The following COL22A1 variants were observed in gnomAD, a reference collection of about 807,000 sequenced individuals.
COL22A1 encodes the protein collagen type XXII alpha 1 chain.
COL22A1 carries 221 observed loss-of-function variants against 248.9 expected under a neutral mutation model. The ratio of observed to expected loss-of-function variants is 0.89; its 90% CI spans 0.80 to 0.99. The LOEUF (loss-of-function observed/expected upper bound fraction) is 0.99. Ranked by LOEUF, COL22A1 falls within the 50% of genes least tolerant of loss-of-function variation. The pLI is 0.00. For missense variants in COL22A1, 2,240 were observed against 2,179.0 expected, an observed-to-expected ratio of 1.03 and a Z score of -0.56; for synonymous variants, 891 against 793.4, an observed-to-expected ratio of 1.12 and a Z score of -2.07.
chr8:138,816,769 A>G (rs1049818477), intron 7 of COL22A1, among the ~76,000 whole-genome samples: 1 of 152,144 alleles, frequency 6.6e-6, no homozygotes, highest in African/African-American at 2.4e-5. Flanking sequence ...GGATGCCCCA[A>G]ACCATGTGGC....
chr8:138,810,418 A>G (rs1227917274), intron 9 of COL22A1, among the ~76,000 whole-genome samples: 4 of 152,202 alleles, frequency 2.6e-5, no homozygotes, highest in Middle Eastern at 3.2e-3. Context: ...TGTAAAAACC[A>G]TATCCTCAGC....
chr8:138,622,021 T>C (rs545938420), intron 52 of COL22A1, among the ~76,000 whole-genome samples: 85 of 152,338 alleles, frequency 5.6e-4, no homozygotes, highest in African/African-American at 2.0e-3. Context: ...TGTAAAATGA[T>C]AAAGAAGGTG....
rs147810853 is a variant in COL22A1 at position 138,687,959 on chromosome 8, A to G, written c.2862+958T>C. Among the ~76,000 whole-genome samples the G allele has an allele frequency of 7.6e-3, 1,152 of 152,308 alleles. 7 individuals are homozygous for G. Among genetic ancestry groups the G allele is most frequent in the Admixed American group, 0.011 (175 of 15,302 alleles). ...CCTGGGTAAAAACCCCCTGTTGAGA[A>G]TCACTTTTGTCACCCTAGCTTATAT... On this transcript the variant is annotated intron_variant, in intron 37 of 64. Coordinates refer to ENST00000303045, the MANE Select transcript of COL22A1 (RefSeq NM_152888.3).
intron 57 of COL22A1, 141 bp from the exon 58 acceptor site, chr8:138,606,593 G>A: frequency 1.2e-6 from 1 of 815,216 alleles, no homozygotes; most frequent in Non-Finnish European, 2.0e-6. Context: ...GAGGGGCATG[G>A]GTTAGGAAAA....
At chr8:138,692,270 T>TTGTGGAGGTGTATGTGTGGAGGTGTA (rs1827104402) in intron 35 of COL22A1, among the ~76,000 whole-genome samples, 3 of 43,038 alleles carry the variant, frequency 7.0e-5, no homozygotes, top group Admixed American at 2.8e-4. Flanking sequence ...GTGTGCATGT[T>TTGTGGAGGTGTATGTGTGGAGGTGTA]TGTGTGCACA....
chr8:138,615,152 G>A (rs1819207396), intron 55 of COL22A1, among the ~76,000 whole-genome samples: 1 of 152,160 alleles, frequency 6.6e-6, no homozygotes, highest in Non-Finnish European at 1.5e-5. Context: ...AGCTATTCCT[G>A]CCTCTGACTC....
intron 47 of COL22A1, among the ~76,000 whole-genome samples, chr8:138,641,999 C>A (rs996382335): frequency 4.6e-5 from 7 of 152,132 alleles, no homozygotes; most frequent in African/African-American, 1.7e-4. Flanking sequence ...AGCCAAGAAC[C>A]ACAATAGACT....
chr8:138,588,972 A>G lies in COL22A1; in HGVS notation c.*281T>C. 1 of 268,000 alleles carries G rather than the reference A, an allele frequency of 3.7e-6. No individual in the cohort carries two copies. The highest frequency in any genetic ancestry group is 6.9e-6 in the Non-Finnish European group (1 of 145,112). 16.6% of individuals were successfully genotyped at this position (268,000 alleles called of 1,614,324 possible). The stretch of plus-strand genomic sequence containing the variant: ...CTGCCCCACGAATCAAGTTTTCCCA[A>G]CTTTAAAGGAGTGGAAAAGAACTCA... On this transcript the variant is annotated 3_prime_UTR_variant, in exon 65 of 65. Transcript: ENST00000303045.
chr8:138,591,582 C>A, intron 63 of COL22A1, 81 bp from the exon 64 acceptor site: 2 of 1,132,642 alleles, frequency 1.8e-6, no homozygotes, highest in Non-Finnish European at 2.4e-6. Context: ...GCGGGAGGTG[C>A]AGGGGCAGCA....
chr8:138,693,705 CA>C lies in COL22A1; in HGVS notation c.2701-7del. 5.1e-6 allele frequency: 8 copies of C among 1,568,342 alleles called. No individual in the cohort carries two copies. Among genetic ancestry groups the C allele is most frequent in the Non-Finnish European group, 6.9e-6 (8 of 1,156,098 alleles). ...CCTTCCTGTCCCTTGGCACCCTGCA[CA>C]GGAAATAAAAGAGGGGCGGGGGTAA... is the stretch of plus-strand genomic sequence containing the variant. On this transcript the variant is annotated splice_polypyrimidine_tract_variant and splice_region_variant and intron_variant, in intron 34 of 64. Transcript: ENST00000303045.
At chr8:138,853,813 A>G (rs908722799) in intron 3 of COL22A1, among the ~76,000 whole-genome samples, 1 of 152,224 alleles carries the variant, frequency 6.6e-6, no homozygotes, top group African/African-American at 2.4e-5. Context: ...AGGGAAGACG[A>G]ACACTTACAA....
chr8:138,646,987 G>A lies in COL22A1; in HGVS notation c.3448-305C>T, dbSNP rs543484481. Among the ~76,000 whole-genome samples, 4 of 152,306 alleles carry A rather than the reference G, an allele frequency of 2.6e-5. No individual in the cohort carries two copies. In the East Asian group the frequency reaches 5.8e-4, roughly 22 times the overall value. On this transcript the variant is annotated intron_variant, in intron 46 of 64. Coordinates refer to ENST00000303045, the MANE Select transcript of COL22A1 (RefSeq NM_152888.3). ...AGCAGCCGTCCTGCCATTTGTTCCA[G>A]GTTTGGTCTCTATGGCCCACAGGAC...
chr8:138,775,842 G>A (rs1814398976), intron 16 of COL22A1, 124 bp downstream of exon 16: 2 of 946,958 alleles, frequency 2.1e-6, no homozygotes, highest in Admixed American at 1.7e-5. Flanking sequence ...GTACACACAT[G>A]TGCACACATG....
At chr8:138,716,494 G>A (rs899326843) in intron 28 of COL22A1, among the ~76,000 whole-genome samples, 3 of 152,168 alleles carry the variant, frequency 2.0e-5, no homozygotes, top group Non-Finnish European at 4.4e-5. Flanking sequence ...GTCTACTTCA[G>A]CTGTTTCCTT....
chr8:138,680,117 C>T lies in COL22A1; in HGVS notation c.3013-441G>A, dbSNP rs142561289. Reference sequence around the variant, plus strand: ...ACGGCCCCAAGAAGAGCAAAAATATCTTAATGTTCTGACAGGAAAAGCCAG... The same window carrying T: ...ACGGCCCCAAGAAGAGCAAAAATATTTTAATGTTCTGACAGGAAAAGCCAG... On this transcript the variant is annotated intron_variant, in intron 39 of 64. Coordinates refer to ENST00000303045, the MANE Select transcript of COL22A1 (RefSeq NM_152888.3). Among the ~76,000 whole-genome samples the T allele has an allele frequency of 1.3e-3, 191 of 152,212 alleles. 2 individuals carry two copies. The highest frequency in any genetic ancestry group is 4.5e-3 in the African/African-American group (186 of 41,518).
intron 10 of COL22A1, among the ~76,000 whole-genome samples, chr8:138,805,622 G>GT (rs1817504266): frequency 7.3e-6 from 1 of 136,298 alleles, no homozygotes; most frequent in African/African-American, 2.9e-5. Context: ...GGTGTGTGAG[G>GT]GTGTGTGTGT....
At chr8:138,674,058 G>T (rs1825288959) in intron 41 of COL22A1, among the ~76,000 whole-genome samples, 1 of 152,136 alleles carries the variant, frequency 6.6e-6, no homozygotes, top group Non-Finnish European at 1.5e-5. Flanking sequence ...CCCTTGGCTT[G>T]CTTTCTTTGT....
intron 22 of COL22A1, among the ~76,000 whole-genome samples, chr8:138,741,457 T>C (rs1435843955): frequency 6.6e-6 from 1 of 152,244 alleles, no homozygotes; most frequent in African/African-American, 2.4e-5. Flanking sequence ...ATAAGCCATT[T>C]AACTTGCTGA....
chr8:138,623,810 A>G, intron 51 of COL22A1, 25 bp from the exon 52 acceptor site: 4 of 1,607,804 alleles, frequency 2.5e-6, no homozygotes, highest in Non-Finnish European at 3.4e-6. Flanking sequence ...CAAATTGGTT[A>G]TCAGGTCAAA....
Sources: allele counts gnomAD v4.1 joint callset (sites outside exome capture counted in the v4.1 genomes callset), GRCh38; gene constraint gnomAD v4.1.1; transcripts MANE v1.5; gene names NCBI Gene and HGNC (gene_info 2026-07-23, HGNC 2026-07-21).